Variants in XRCC1 observed in about 807,000 individuals in gnomAD.
XRCC1 encodes the protein X-ray repair cross complementing 1, also known as DNA repair protein XRCC1.
A neutral mutation model predicts 83.3 loss-of-function variants in XRCC1; 52 were observed. The observed-to-expected ratio is 0.62, with a 90% CI of 0.50 to 0.79. The LOEUF (loss-of-function observed/expected upper bound fraction) is 0.79. XRCC1 is among the 30% of genes least tolerant of loss of function. XRCC1 has a pLI of 0.00. For missense variants in XRCC1, 793 were observed against 823.5 expected (o/e 0.96, Z 0.45); for synonymous variants, 281 against 312.6 (o/e 0.90, Z 1.07).
intron 1 of XRCC1, among the ~76,000 whole-genome samples, 199 bp from the exon 2 acceptor site, chr19:43,575,201 A>G (rs1972844408): frequency 2.0e-5 from 3 of 152,116 alleles, no homozygotes; most frequent in African/African-American, 4.8e-5. Context: ...TCTCCAAGAA[A>G]GCTTCCCTAT....
At position 43,552,218 on chromosome 19, in the gene XRCC1, G is replaced by C. The variant is rs1358328864; in HGVS notation, c.881C>G (p.Ala294Gly). The change falls in exon 9 of 17, where the codon GCA becomes GGA. Residue 294 changes from alanine (A) to glycine (G), a missense_variant. Physicochemically the swap from Ala to Gly is moderately conservative, Grantham distance 60. Coordinates refer to ENST00000262887, the MANE Select transcript of XRCC1 (RefSeq NM_006297.3). ...TTCTCCTCGGGGTTTGCCTGTCACT[G>C]CCCCCTGTGCTCGGGCAGGGACTGG... Reference protein sequence around the residue: ...TAPVPARAQGAVTGKPRGEGT... With the variant: ...TAPVPARAQGGVTGKPRGEGT... The C allele has an allele frequency of 6.2e-7, 1 of 1,613,722 alleles. No individual in the cohort carries two copies. Among genetic ancestry groups the C allele is most frequent in the Non-Finnish European group, 8.5e-7 (1 of 1,179,888 alleles).
At chr19:43,548,082 G>A (rs545986306) in intron 10 of XRCC1, among the ~76,000 whole-genome samples, 2 of 145,628 alleles carry the variant, frequency 1.4e-5, no homozygotes, top group African/African-American at 5.0e-5. Flanking sequence ...GAGGTGGGGG[G>A]CCAGCCGCCC....
intron 2 of XRCC1, 29 bp downstream of exon 2, chr19:43,574,881 G>T: frequency 1.3e-6 from 2 of 1,584,544 alleles, no homozygotes; most frequent in Non-Finnish European, 1.7e-6. Context: ...CAGACTCCTA[G>T]TGAGGAGGAG....
At position 43,561,035 on chromosome 19, in the gene XRCC1, A is replaced by T. The variant is rs1283986028; in HGVS notation, c.145-15T>A. ...TCCTTCTCCAACTGTGGGCAGAGAGAGAGGCCACTGTCAGTGCCTGCTCTG... is the reference window on the plus strand; with the variant it reads ...TCCTTCTCCAACTGTGGGCAGAGAGTGAGGCCACTGTCAGTGCCTGCTCTG... On this transcript the variant is annotated splice_polypyrimidine_tract_variant and intron_variant, in intron 2 of 16. Transcript: ENST00000262887. 1 of 1,601,824 alleles carries T rather than the reference A, an allele frequency of 6.2e-7. No individual in the cohort carries two copies. The highest frequency in any genetic ancestry group is 1.1e-5 in the South Asian group (1 of 90,878).
At chr19:43,566,897 A>AT (rs71169262) in intron 2 of XRCC1, among the ~76,000 whole-genome samples, 48 of 151,198 alleles carry the variant, frequency 3.2e-4, no homozygotes, top group Non-Finnish European at 4.6e-4. Context: ...AAAAAAAAAA[A>AT]GGTTTATATA....
chr19:43,543,415 A>G lies in XRCC1; in HGVS notation c.1879T>C (p.Tyr627His), dbSNP rs1972475258. Residue 627 changes from tyrosine to histidine, a missense_variant, in exon 17 of 17, where the codon TAT becomes CAT. Tyr to His is a moderately conservative substitution (Grantham distance 83). Coordinates refer to ENST00000262887, the MANE Select transcript of XRCC1 (RefSeq NM_006297.3). ...EKQKLLPHQLYGVVPQA is the reference protein window; with the variant it reads ...EKQKLLPHQLHGVVPQA Reference sequence around the variant, plus strand: ...CTTCAGGCTTGCGGCACCACCCCATAGAGCTGGTGAGGAAGTAACTTCTGC... The same window carrying G: ...CTTCAGGCTTGCGGCACCACCCCATGGAGCTGGTGAGGAAGTAACTTCTGC... 1 of 1,610,408 alleles carries G rather than the reference A, an allele frequency of 6.2e-7. No individual in the cohort carries two copies. Among genetic ancestry groups the G allele is most frequent in the Admixed American group, 1.7e-5 (1 of 59,806 alleles).
intron 5 of XRCC1, 48 bp downstream of exon 5, chr19:43,553,561 G>A (rs1972604857): frequency 6.2e-7 from 1 of 1,612,850 alleles, no homozygotes; most frequent in Non-Finnish European, 8.5e-7. Flanking sequence ...GGCAGGTGGG[G>A]GTGGAGAGGC....
At chr19:43,561,050 T>TG in intron 2 of XRCC1, 30 bp from the exon 3 acceptor site, 1 of 1,529,422 alleles carries the variant, frequency 6.5e-7, no homozygotes, top group Non-Finnish European at 9.1e-7. Context: ...CCACTGTCAG[T>TG]GCCTGCTCTG....
intron 10 of XRCC1, among the ~76,000 whole-genome samples, chr19:43,550,068 C>T (rs1972560022): frequency 6.6e-6 from 1 of 152,062 alleles, no homozygotes; most frequent in Admixed American, 6.6e-5. Context: ...CAGAGCCTGC[C>T]CCTGCCCCCA....
chr19:43,574,376 A>G (rs1332581024), intron 2 of XRCC1, among the ~76,000 whole-genome samples: 9 of 152,098 alleles, frequency 5.9e-5, no homozygotes, highest in Admixed American at 2.6e-4. Context: ...ATACCTGGCT[A>G]TTATTCTTTA....
chr19:43,562,816 C>G (rs1159518989), intron 2 of XRCC1, among the ~76,000 whole-genome samples: 2 of 152,198 alleles, frequency 1.3e-5, no homozygotes. Flanking sequence ...ACAACTGCGG[C>G]CAACATCCGA....
intron 8 of XRCC1, 44 bp downstream of exon 8, chr19:43,552,753 A>G: frequency 6.5e-7 from 1 of 1,528,124 alleles, no homozygotes. Context: ...CCTAGGACAC[A>G]GGAGCACAGG....
intron 6 of XRCC1, 137 bp downstream of exon 6, chr19:43,553,264 C>T (rs1972600878): frequency 1.7e-6 from 2 of 1,190,764 alleles, no homozygotes; most frequent in African/African-American, 1.5e-5. Flanking sequence ...TTCCTCCACC[C>T]TGAGACCCAG....
At chr19:43,566,698 G>A (rs565173599) in intron 2 of XRCC1, among the ~76,000 whole-genome samples, 5 of 151,634 alleles carry the variant, frequency 3.3e-5, no homozygotes, top group Admixed American at 6.6e-5. Flanking sequence ...GGGCAACACG[G>A]CGAAACCCCG....
intron 2 of XRCC1, among the ~76,000 whole-genome samples, chr19:43,564,711 C>T (rs558762790): frequency 2.5e-4 from 38 of 151,424 alleles, no homozygotes; most frequent in South Asian, 2.5e-3. Context: ...TTGCTTAAAC[C>T]GGGGGGGCGG....
chr19:43,559,577 T>C (rs1972676564), intron 3 of XRCC1, among the ~76,000 whole-genome samples: 1 of 150,442 alleles, frequency 6.6e-6, no homozygotes, highest in South Asian at 2.1e-4. Flanking sequence ...AACAGAGATC[T>C]AAATGTAAAA....
chr19:43,552,081 C>A lies in XRCC1; in HGVS notation c.1018G>T (p.Asp340Tyr). 1 of 1,614,112 alleles carries A rather than the reference C, an allele frequency of 6.2e-7. No homozygotes were observed. Among genetic ancestry groups the A allele is most frequent in the Non-Finnish European group, 8.5e-7 (1 of 1,180,002 alleles). Residue 340 changes from aspartate (D) to tyrosine (Y), a missense_variant, in exon 9 of 17, where the codon GAT becomes TAT. By Grantham distance (160) the Asp-to-Tyr change is radical (BLOSUM62 -3). Coordinates refer to ENST00000262887, the MANE Select transcript of XRCC1 (RefSeq NM_006297.3). ...FQNPFRSELR[D>Y]KALELGAKYR... The stretch of plus-strand genomic sequence containing the variant: ...TTGGCCCCAAGCTCTAGGGCCTTAT[C>A]TCGCAGCTCGGAGCGGAAGGGGTTC...
chr19:43,561,067 G>A, intron 2 of XRCC1, 47 bp from the exon 3 acceptor site: 1 of 1,458,802 alleles, frequency 6.9e-7, no homozygotes, highest in Non-Finnish European at 9.6e-7. Context: ...TCTGCCTCTG[G>A]GCTCACTGTG....
At chr19:43,568,081 G>C (rs1972770971) in intron 2 of XRCC1, among the ~76,000 whole-genome samples, 1 of 151,304 alleles carries the variant, frequency 6.6e-6, no homozygotes, top group Non-Finnish European at 1.5e-5. Flanking sequence ...CACCATCTTG[G>C]CCAGGCTGGT....
Sources: allele counts gnomAD v4.1 joint callset (sites outside exome capture counted in the v4.1 genomes callset), GRCh38; gene constraint gnomAD v4.1.1; transcripts MANE v1.5; gene names NCBI Gene and HGNC (gene_info 2026-07-23, HGNC 2026-07-21).